Variants in GATA4 observed in about 807,000 individuals in gnomAD.
The protein encoded by GATA4 is GATA binding protein 4.
GATA4 carries 7 observed loss-of-function variants against 37.9 expected under a neutral mutation model. That is an observed-to-expected ratio of 0.18 (90% confidence interval 0.11 to 0.35). The LOEUF (loss-of-function observed/expected upper bound fraction) is 0.35, where lower values mean the gene tolerates loss of function less well. Among genes scored for constraint, GATA4 ranks in the 10% least tolerant of loss-of-function variants. GATA4 has a pLI of 1.00. For missense variants in GATA4, 647 were observed against 653.0 expected, an observed-to-expected ratio of 0.99 and a Z score of 0.10; for synonymous variants, 372 against 292.6, an observed-to-expected ratio of 1.27 and a Z score of -2.77.
Position 11,757,033 on chromosome 8 carries a change from A to T in GATA4, c.1099A>T (p.Thr367Ser), listed in dbSNP as rs771120775. The T allele has an allele frequency of 1.9e-5, 30 of 1,614,042 alleles. No individual in the cohort carries two copies. Among genetic ancestry groups the T allele is most frequent in the Non-Finnish European group, 2.5e-5 (30 of 1,180,036 alleles). ...SSSEEMRPIKTEPGLSSHYGH... is the reference protein window; with the variant it reads ...SSSEEMRPIKSEPGLSSHYGH... The stretch of plus-strand genomic sequence containing the variant: ...CAGCGAGGAGATGCGTCCCATCAAG[A>T]CGGAGCCTGGCCTGTCATCTCACTA... Residue 367 changes from threonine (T) to serine (S), a missense_variant, in exon 6 of 7, where the codon ACG becomes TCG. By Grantham distance (58) the Thr-to-Ser change is moderately conservative (BLOSUM62 1). Around this residue, in one of 5 missense-constraint regions of GATA4, gnomAD observed 184 missense variants for 157.1 expected, o/e 1.17. Transcript: ENST00000532059.
Position 11,753,273 on chromosome 8 carries a change from G to C in GATA4, c.913-1773G>C, listed in dbSNP as rs145273960. On this transcript the variant is annotated intron_variant, in intron 4 of 6. Transcript: ENST00000532059. Reference sequence around the variant, plus strand: ...CCTGACACCACATGTCAAATCCATAGAGACAGAAAGTAGAATGGAGGCTGT... The same window carrying C: ...CCTGACACCACATGTCAAATCCATACAGACAGAAAGTAGAATGGAGGCTGT... Among the ~76,000 whole-genome samples the C allele has an allele frequency of 3.9e-5, 6 of 152,302 alleles. No homozygotes were observed. The East Asian group carries it at 7.7e-4, about 20-fold the overall frequency.
chr8:11,734,168 C>G lies in GATA4; in HGVS notation c.617-14748C>G, dbSNP rs1281130380. Among the ~76,000 whole-genome samples, 6 of 152,270 alleles carry G rather than the reference C, an allele frequency of 3.9e-5. No individual in the cohort carries two copies. The South Asian group carries it at 6.2e-4, about 16-fold the overall frequency. ...CATGGCTAAAATATATCTCCTATAT[C>G]CTAGATACACTTTTCTCATGTGTAT... On this transcript the variant is annotated intron_variant, in intron 2 of 6. Transcript: ENST00000532059.
chr8:11,743,811 T>C (rs1404968807), intron 2 of GATA4, among the ~76,000 whole-genome samples: 1 of 152,200 alleles, frequency 6.6e-6, no homozygotes, highest in Non-Finnish European at 1.5e-5. Flanking sequence ...TGGGAGCAGC[T>C]TGTTTAATTG....
At chr8:11,735,553 GTTTGTTTCTTTC>G (rs2130231991) in intron 2 of GATA4, among the ~76,000 whole-genome samples, 1 of 151,276 alleles carries the variant, frequency 6.6e-6, no homozygotes, top group Admixed American at 6.6e-5. Flanking sequence ...TTGTTTGTTT[GTTTGTTTCTTTC>G]TTTCTTTCTT....
At position 11,755,050 on chromosome 8, in the gene GATA4, C is replaced by G; in HGVS notation, c.917C>G (p.Pro306Arg). 1 of 1,613,832 alleles carries G rather than the reference C, an allele frequency of 6.2e-7. No homozygotes were observed. Among genetic ancestry groups the G allele is most frequent in the South Asian group, 1.1e-5 (1 of 91,058 alleles). Residue 306 changes from proline (P) to arginine (R), a missense_variant, in exon 5 of 7, where the codon CCC becomes CGC. Coordinates refer to ENST00000532059, the MANE Select transcript of GATA4 (RefSeq NM_001308093.3). The stretch of plus-strand genomic sequence containing the variant: ...TATTTACTTGTGACCCTCCAGGTCC[C>G]CAGGCCTCTTGCAATGCGGAAAGAG... The part of the protein sequence containing the change: ...CGLYMKLHGV[P>R]RPLAMRKEGI...
chr8:11,710,878 T>G (rs147289992), intron 2 of GATA4, among the ~76,000 whole-genome samples: 1,652 of 152,086 alleles, frequency 0.011, 19 homozygotes, highest in African/African-American at 0.037. Context: ...TCCCAGCACT[T>G]TGGGAGGCCG....
intron 1 of GATA4, among the ~76,000 whole-genome samples, chr8:11,697,229 G>A (rs919044616): frequency 6.6e-6 from 1 of 152,250 alleles, no homozygotes; most frequent in Non-Finnish European, 1.5e-5. Context: ...TAACCGGAGA[G>A]CCCCTGTCCT....
intron 2 of GATA4, among the ~76,000 whole-genome samples, chr8:11,726,766 T>C (rs1270977723): frequency 2.6e-5 from 4 of 152,128 alleles, no homozygotes; most frequent in Non-Finnish European, 5.9e-5. Context: ...AGACACCCCT[T>C]GCATCCTCAC....
At chr8:11,706,623 T>G (rs746184741) in intron 1 of GATA4, among the ~76,000 whole-genome samples, 2 of 152,254 alleles carry the variant, frequency 1.3e-5, no homozygotes, top group Admixed American at 1.3e-4. Flanking sequence ...TGGATTCATA[T>G]ATAGTTAACA....
rs946468808 is a variant in GATA4 at position 11,709,471 on chromosome 8, C to G, written c.616+543C>G. Among the ~76,000 whole-genome samples the G allele has an allele frequency of 6.7e-6, 1 of 150,056 alleles. No individual in the cohort carries two copies. The highest frequency in any genetic ancestry group is 2.5e-5 in the African/African-American group (1 of 40,536). Reference sequence around the variant, plus strand: ...CCCGTCGGGGGTCTCACACCGAGAACAAAGGAGGGATGGACAAAGGAGACG... The same window carrying G: ...CCCGTCGGGGGTCTCACACCGAGAAGAAAGGAGGGATGGACAAAGGAGACG... On this transcript the variant is annotated intron_variant, in intron 2 of 6. Transcript: ENST00000532059. This position sits in a 1 kb window ranked among gnomAD's most constrained non-coding sequence, Gnocchi z 4.3.
At chr8:11,755,313 G>C (rs1036139311) in intron 5 of GATA4, among the ~76,000 whole-genome samples, 180 bp downstream of exon 5, 2 of 152,212 alleles carry the variant, frequency 1.3e-5, no homozygotes, top group African/African-American at 4.8e-5. Flanking sequence ...CAATTGCCAT[G>C]GAACGTGTTG....
intron 2 of GATA4, among the ~76,000 whole-genome samples, chr8:11,740,621 T>G (rs147502450): frequency 3.6e-4 from 55 of 152,314 alleles, no homozygotes; most frequent in African/African-American, 1.3e-3. Context: ...CAAGACAGTC[T>G]TTGTAAAAAA....
At chr8:11,723,529 AT>A (rs1390255074) in intron 2 of GATA4, among the ~76,000 whole-genome samples, 3 of 152,150 alleles carry the variant, frequency 2.0e-5, no homozygotes, top group African/African-American at 7.2e-5. Context: ...ATCTCTTTTT[AT>A]GAGTTTTCTC....
intron 1 of GATA4, chr8:11,680,659 G>A (rs1798935509): frequency 1.0e-6 from 1 of 985,142 alleles, no homozygotes; most frequent in Non-Finnish European, 1.2e-6. Context: ...CGTGTCTCGG[G>A]TCGCCCTTTG....
At chr8:11,742,093 C>T (rs964038014) in intron 2 of GATA4, among the ~76,000 whole-genome samples, 2 of 152,146 alleles carry the variant, frequency 1.3e-5, no homozygotes, top group African/African-American at 4.8e-5. Flanking sequence ...GCCTCCCACG[C>T]TCACCCTACT....
chr8:11,727,144 T>C (rs1800965136), intron 2 of GATA4, among the ~76,000 whole-genome samples: 1 of 152,202 alleles, frequency 6.6e-6, no homozygotes, highest in Non-Finnish European at 1.5e-5. Flanking sequence ...AGGCGGTAAG[T>C]GCCTGTCAGT....
In GATA4 at chr8:11,759,173, C is replaced by G. The variant is rs1363497062; in HGVS notation, c.*698C>G. On this transcript the variant is annotated 3_prime_UTR_variant, in exon 7 of 7. Coordinates refer to ENST00000532059, the MANE Select transcript of GATA4 (RefSeq NM_001308093.3). ...CTCAAAATAAAAATCCCTCTTCCCG[C>G]TCTGAGCGATTCAGCTCTGCCCGCA... The G allele has an allele frequency of 6.3e-6, 1 of 159,710 alleles. No individual in the cohort carries two copies. The highest frequency in any genetic ancestry group is 2.4e-5 in the African/African-American group (1 of 41,626). 9.9% of individuals were successfully genotyped at this position (159,710 alleles called of 1,614,324 possible). A position where few individuals can be genotyped will look rare whatever the true frequency, so the allele number is the denominator to read the frequency against.
intron 2 of GATA4, among the ~76,000 whole-genome samples, chr8:11,722,286 A>G (rs1210425455): frequency 6.6e-6 from 1 of 152,224 alleles, no homozygotes; most frequent in Non-Finnish European, 1.5e-5. Flanking sequence ...ACACAGTGTT[A>G]TTTTGAAGCA....
At chr8:11,683,039 T>C (rs1001650140) in intron 1 of GATA4, 1 of 985,126 alleles carries the variant, frequency 1.0e-6, no homozygotes, top group South Asian at 4.7e-5. Flanking sequence ...GCGCGGGGGT[T>C]TCTCGACAGC....
Sources: allele counts gnomAD v4.1 joint callset (sites outside exome capture counted in the v4.1 genomes callset), GRCh38; gene constraint gnomAD v4.1.1; regional missense constraint gnomAD v4.1.1; non-coding constraint Gnocchi (gnomAD v3.1); transcripts MANE v1.5; gene names NCBI Gene and HGNC (gene_info 2026-07-23, HGNC 2026-07-21).